Variants in ZNF160 observed in about 807,000 individuals in gnomAD.
The protein encoded by ZNF160 is zinc finger protein 160, also known as KRAB zinc finger protein KR18.
In ZNF160, 9 loss-of-function variants were observed where a neutral mutation model predicts 13.1. That is an observed-to-expected ratio of 0.69 (90% CI 0.41 to 1.20). The LOEUF is 1.20. ZNF160 is among the 50% of genes most tolerant of loss of function. ZNF160 has a pLI of 0.01. For synonymous variants in ZNF160, 293 were observed against 333.2 expected, an observed-to-expected ratio of 0.88 and a Z score of 1.31; for missense variants, 838 against 988.0, an observed-to-expected ratio of 0.85 and a Z score of 2.04.
chr19:53,086,468 T>C (rs1045128501), intron 2 of ZNF160, 147 bp from the exon 3 acceptor site: 10 of 576,982 alleles, frequency 1.7e-5, no homozygotes, highest in Non-Finnish European at 2.8e-5. Flanking sequence ...TGCGCCCCAC[T>C]GCACCAGGGG....
At chr19:53,082,295 G>A (rs2084663551) in intron 3 of ZNF160, among the ~76,000 whole-genome samples, 2 of 152,114 alleles carry the variant, frequency 1.3e-5, no homozygotes, top group South Asian at 4.1e-4. Context: ...ATAAAAGTAC[G>A]TACCAATGTA....
chr19:53,069,898 G>T lies in ZNF160; in HGVS notation c.636C>A (p.Asn212Lys), dbSNP rs754380273. 53 of 1,614,038 alleles carry T rather than the reference G, an allele frequency of 3.3e-5. No individual in the cohort carries two copies. Among genetic ancestry groups the T allele is most frequent in the Non-Finnish European group, 4.2e-5 (50 of 1,180,038 alleles). ...YECNQVEKSTNNGSSVSPLQQ... is the reference protein window; with the variant it reads ...YECNQVEKSTKNGSSVSPLQQ... ...GAAGTGGTGACACTGAGGAACCATT[G>T]TTGGTAGACTTCTCAACTTGATTAC... Residue 212 changes from asparagine to lysine, a missense_variant, in exon 6 of 6, where the codon AAC becomes AAA. By Grantham distance (94) the Asn-to-Lys change is moderately conservative. Coordinates refer to ENST00000683776, the MANE Select transcript of ZNF160 (RefSeq NM_001322131.2). The surrounding 1 kb of genome is among the most constrained non-coding windows in gnomAD (Gnocchi z 4.4).
chr19:53,068,004 T>C lies in ZNF160; in HGVS notation c.*73A>G. The C allele has an allele frequency of 2.6e-6, 4 of 1,525,780 alleles. No homozygotes were observed. Among genetic ancestry groups the C allele is most frequent in the Non-Finnish European group, 3.5e-6 (4 of 1,136,662 alleles). The allele number at this position is 1,525,780 out of a possible 1,614,324, so 94.5% of individuals were successfully genotyped here. A position where few individuals can be genotyped will look rare whatever the true frequency, so the allele number is the denominator to read the frequency against. Reference sequence around the variant, plus strand: ...GAGGGATTGGCCACTGTCACTACATTTGTAAGGATTCTGTCAAGAATGAAA... The same window carrying C: ...GAGGGATTGGCCACTGTCACTACATCTGTAAGGATTCTGTCAAGAATGAAA... On this transcript the variant is annotated 3_prime_UTR_variant, in exon 6 of 6. Coordinates refer to ENST00000683776, the MANE Select transcript of ZNF160 (RefSeq NM_001322131.2).
chr19:53,090,430 G>A (rs1051034067), intron 2 of ZNF160, among the ~76,000 whole-genome samples: 18 of 152,222 alleles, frequency 1.2e-4, no homozygotes, highest in African/African-American at 3.4e-4. Flanking sequence ...GTTCTCACCC[G>A]TCCTTCTCAC....
chr19:53,094,111 T>TCCAAAATACC (rs1470561775), intron 1 of ZNF160, among the ~76,000 whole-genome samples: 3 of 152,142 alleles, frequency 2.0e-5, no homozygotes, highest in Admixed American at 2.0e-4. Context: ...CACAAAATAC[T>TCCAAAATACC]CCAAAATACC....
chr19:53,092,994 T>C (rs1035943604), intron 1 of ZNF160, among the ~76,000 whole-genome samples: 2 of 152,210 alleles, frequency 1.3e-5, no homozygotes, highest in African/African-American at 4.8e-5. Context: ...AAGAAATGAT[T>C]TGATTTTGGA....
Position 53,074,141 on chromosome 19 carries a change from T to C in ZNF160, c.270A>G (p.Thr90=), listed in dbSNP as rs144281927. The C allele has an allele frequency of 1.2e-5, 19 of 1,613,754 alleles. No homozygotes were observed. Among genetic ancestry groups the C allele is most frequent in the Non-Finnish European group, 1.5e-5 (18 of 1,179,860 alleles). The change falls in exon 5 of 6, where the codon ACA becomes ACG. Residue 90 remains threonine (T), a splice_region_variant and synonymous_variant. Transcript: ENST00000683776. Reference sequence around the variant, plus strand: ...CTCTCTGCCCATCTGAGCTCTTACCTGTGACCACGCCTTTGACACATTCCG... The same window carrying C: ...CTCTCTGCCCATCTGAGCTCTTACCCGTGACCACGCCTTTGACACATTCCG... The part of the protein sequence containing the change: ...RTPECVKGVV[T]DIPPKCTIKD...
chr19:53,080,327 G>A (rs922919540), intron 3 of ZNF160, among the ~76,000 whole-genome samples: 9 of 152,088 alleles, frequency 5.9e-5, no homozygotes, highest in Non-Finnish European at 1.3e-4. Flanking sequence ...TTGAACTCCC[G>A]ACCTCAGGTG....
intron 3 of ZNF160, among the ~76,000 whole-genome samples, chr19:53,081,388 T>G (rs1341909626): frequency 6.6e-6 from 1 of 152,074 alleles, no homozygotes; most frequent in Non-Finnish European, 1.5e-5. Context: ...ATATCCAGAA[T>G]CTATAAGAAA....
At chr19:53,093,405 C>G (rs2085107551) in intron 1 of ZNF160, among the ~76,000 whole-genome samples, 1 of 151,826 alleles carries the variant, frequency 6.6e-6, no homozygotes, top group African/African-American at 2.4e-5. Context: ...TGCCACTGCA[C>G]TCCAGCCTGG....
chr19:53,073,547 T>G, intron 5 of ZNF160: 1 of 1,573,008 alleles, frequency 6.4e-7, no homozygotes. Context: ...CATAAACAGG[T>G]CTAGACGTCA....
intron 5 of ZNF160, 90 bp downstream of exon 5, chr19:53,074,050 T>A (rs1293643081): frequency 3.0e-6 from 4 of 1,340,182 alleles, no homozygotes; most frequent in African/African-American, 1.5e-5. Flanking sequence ...TTGGCCTCCC[T>A]AAGTGTTGAG....
chr19:53,086,134 G>A (rs2084821095), intron 3 of ZNF160, 128 bp downstream of exon 3: 1 of 1,332,696 alleles, frequency 7.5e-7, no homozygotes, highest in Non-Finnish European at 1.1e-6. Flanking sequence ...AGGGACTGAG[G>A]GAAGGCGCGG....
chr19:53,068,022 G>C lies in ZNF160; in HGVS notation c.*55C>G. 1 of 1,534,764 alleles carries C rather than the reference G, an allele frequency of 6.5e-7. No individual in the cohort carries two copies. Among genetic ancestry groups the C allele is most frequent in the Admixed American group, 2.0e-5 (1 of 49,668 alleles). On this transcript the variant is annotated 3_prime_UTR_variant, in exon 6 of 6. Transcript: ENST00000683776. ...ACTACATTTGTAAGGATTCTGTCAA[G>C]AATGAAATTAACTGATGTGAAAGGA...
At chr19:53,085,357 T>C (rs1006939545) in intron 3 of ZNF160, 7 of 279,566 alleles carry the variant, frequency 2.5e-5, no homozygotes, top group African/African-American at 9.2e-5. Flanking sequence ...TCCCACAGAA[T>C]TGAGAACAGT....
intron 1 of ZNF160, among the ~76,000 whole-genome samples, chr19:53,102,587 G>A (rs1052609303): frequency 2.0e-5 from 3 of 152,038 alleles, no homozygotes; most frequent in African/African-American, 7.2e-5. Flanking sequence ...TCACTCTGTC[G>A]CTGCAAATCT....
chr19:53,075,951 T>A (rs2084372740), intron 3 of ZNF160: 2 of 318,844 alleles, frequency 6.3e-6, no homozygotes. Context: ...ATAGACAGTG[T>A]CAGAATGGAA....
rs1188763248 is a variant in ZNF160, at chr19:53,067,561, A to G, written c.*516T>C. The G allele has an allele frequency of 2.0e-5, 3 of 153,436 alleles. No homozygotes were observed. Among genetic ancestry groups the G allele is most frequent in the Non-Finnish European group, 2.9e-5 (2 of 68,948 alleles). The allele number at this position is 153,436 out of a possible 1,614,324, so 9.5% of individuals were successfully genotyped here. ...CATGGAAGGTGTGTAAGGATGCACA[A>G]TAAGATTTCAAAGTTCACATTGAAA... On this transcript the variant is annotated 3_prime_UTR_variant, in exon 6 of 6. Transcript: ENST00000683776.
intron 5 of ZNF160, chr19:53,073,550 A>G (rs746658247): frequency 6.4e-7 from 1 of 1,567,060 alleles, no homozygotes; most frequent in Admixed American, 1.8e-5. Context: ...AAACAGGTCT[A>G]GACGTCAGGA....
Sources: allele counts gnomAD v4.1 joint callset (sites outside exome capture counted in the v4.1 genomes callset), GRCh38; gene constraint gnomAD v4.1.1; non-coding constraint Gnocchi (gnomAD v3.1); transcripts MANE v1.5; gene names NCBI Gene and HGNC (gene_info 2026-07-23, HGNC 2026-07-21).